The following FAF1 variants were observed in gnomAD, a reference collection of about 807,000 sequenced individuals.
The protein encoded by FAF1 is Fas associated factor 1, also known as FAS-associated factor 1.
A neutral mutation model predicts 92.5 loss-of-function variants in FAF1; 25 were observed. The ratio of observed to expected loss-of-function variants is 0.27; its 90% CI spans 0.20 to 0.38. The LOEUF is 0.38. Ranked by LOEUF, FAF1 falls within the 10% of genes least tolerant of loss-of-function variation. The pLI is 1.00. For missense variants in FAF1, 636 were observed against 793.3 expected, an observed-to-expected ratio of 0.80 and a Z score of 2.38; for synonymous variants, 234 against 273.2, an observed-to-expected ratio of 0.86 and a Z score of 1.42.
At chr1:50,717,016 A>G (rs1191898667) in intron 6 of FAF1, among the ~76,000 whole-genome samples, 5 of 152,052 alleles carry the variant, frequency 3.3e-5, no homozygotes, top group Admixed American at 3.3e-4. Flanking sequence ...CCACCAACCC[A>G]CCAGAAGGAA....
At chr1:50,731,463 A>G (rs2781796) in intron 6 of FAF1, among the ~76,000 whole-genome samples, 148,316 of 150,994 alleles carry the variant, frequency 0.98, 72,897 homozygotes, top group Non-Finnish European at 1. Context: ...TCTGCCTCCC[A>G]GGTTCACGCC....
intron 16 of FAF1, among the ~76,000 whole-genome samples, chr1:50,491,461 G>A (rs1377124073): frequency 6.6e-6 from 1 of 152,132 alleles, no homozygotes; most frequent in Non-Finnish European, 1.5e-5. Context: ...AAAATTGCTG[G>A]TTTCTATCAT....
chr1:50,571,818 T>C (rs956405426), intron 12 of FAF1, among the ~76,000 whole-genome samples: 1 of 152,178 alleles, frequency 6.6e-6, no homozygotes, highest in Admixed American at 6.5e-5. Context: ...CTGGAAGAAA[T>C]GTGCTGTGTC....
chr1:50,900,422 C>A (rs1209372574), intron 1 of FAF1, among the ~76,000 whole-genome samples: 60 of 151,666 alleles, frequency 4.0e-4, no homozygotes, highest in Non-Finnish European at 1.5e-4. Flanking sequence ...TTCTTAATTC[C>A]CTGCATTAAA....
chr1:50,819,866 AATTT>A (rs1226914979), intron 2 of FAF1, among the ~76,000 whole-genome samples: 28 of 144,394 alleles, frequency 1.9e-4, no homozygotes, highest in Admixed American at 5.0e-4. Flanking sequence ...CTTACTAGGA[AATTT>A]ATTTATTTAT....
intron 13 of FAF1, among the ~76,000 whole-genome samples, chr1:50,543,590 C>T (rs568831290): frequency 3.3e-5 from 5 of 152,208 alleles, no homozygotes; most frequent in South Asian, 4.2e-4. Flanking sequence ...TAAAATTGGT[C>T]GCTATTTTAC....
chr1:50,920,945 A>G (rs1374175751), intron 1 of FAF1, among the ~76,000 whole-genome samples: 2 of 152,212 alleles, frequency 1.3e-5, no homozygotes, highest in Non-Finnish European at 2.9e-5. Context: ...TAAGAAAAAG[A>G]AAGAAAAAGT....
chr1:50,859,501 A>G (rs1194609082), intron 1 of FAF1, among the ~76,000 whole-genome samples: 1 of 151,922 alleles, frequency 6.6e-6, no homozygotes, highest in Non-Finnish European at 1.5e-5. Context: ...ATATAATCCC[A>G]TTTACAATAG....
At chr1:50,737,700 C>G (rs1035141250) in intron 6 of FAF1, among the ~76,000 whole-genome samples, 1 of 152,188 alleles carries the variant, frequency 6.6e-6, no homozygotes. Flanking sequence ...TCCAATACAA[C>G]TACACAAGAT....
At chr1:50,864,605 A>C (rs1431953421) in intron 1 of FAF1, among the ~76,000 whole-genome samples, 2 of 151,384 alleles carry the variant, frequency 1.3e-5, no homozygotes, top group Non-Finnish European at 3.0e-5. Context: ...TTCCCTATTT[A>C]ATAAATGGTG....
chr1:50,839,186 G>GA (rs938933275), intron 2 of FAF1, among the ~76,000 whole-genome samples: 1 of 149,418 alleles, frequency 6.7e-6, no homozygotes, highest in African/African-American at 2.5e-5. Flanking sequence ...AAGAAAAGCA[G>GA]AAAAAAAAAG....
At chr1:50,557,081 T>C (rs1649622945) in intron 13 of FAF1, among the ~76,000 whole-genome samples, 1 of 152,162 alleles carries the variant, frequency 6.6e-6, no homozygotes, top group South Asian at 2.1e-4. Context: ...CTAGGCTATG[T>C]AATTTCTCAG....
chr1:50,499,430 T>C (rs1353916926), intron 15 of FAF1, among the ~76,000 whole-genome samples: 1 of 151,460 alleles, frequency 6.6e-6, no homozygotes, highest in Admixed American at 6.6e-5. Flanking sequence ...ACTCGATTCC[T>C]ATTTTACTGG....
In FAF1 at chr1:50,898,646, C is replaced by T. The variant is rs566840493; in HGVS notation, c.46-40649G>A. ...GAATAGGGCATTCTCCAGGACAGAC[C>T]ACAAAAAACTATACCATACACTTTA... On this transcript the variant is annotated intron_variant, in intron 1 of 18. Transcript: ENST00000396153. 3.3e-5 allele frequency among the ~76,000 whole-genome samples: 5 copies of T among 152,184 alleles called. No individual in the cohort carries two copies. In the South Asian group the frequency reaches 1.0e-3, roughly 32 times the overall value.
In FAF1 at chr1:50,881,796, C is replaced by T. The variant is rs544792768; in HGVS notation, c.46-23799G>A. The stretch of plus-strand genomic sequence containing the variant: ...CTACCACAGAGGATTATATTAAATG[C>T]CTATATATAATTTTAATGTTGAACT... On this transcript the variant is annotated intron_variant, in intron 1 of 18. Coordinates refer to ENST00000396153, the MANE Select transcript of FAF1 (RefSeq NM_007051.3). Among the ~76,000 whole-genome samples, 8 of 152,180 alleles carry T rather than the reference C, an allele frequency of 5.3e-5. No individual in the cohort carries two copies. The South Asian group carries it at 1.5e-3, about 28-fold the overall frequency.
chr1:50,550,435 A>G (rs1649258870), intron 13 of FAF1, among the ~76,000 whole-genome samples: 1 of 151,662 alleles, frequency 6.6e-6, no homozygotes, highest in East Asian at 1.9e-4. Flanking sequence ...CAGATAAGTG[A>G]CCAGGAAAAC....
intron 1 of FAF1, among the ~76,000 whole-genome samples, chr1:50,927,697 T>C (rs1434502851): frequency 2.0e-5 from 3 of 152,212 alleles, no homozygotes; most frequent in Non-Finnish European, 4.4e-5. Flanking sequence ...ACTCTGATTA[T>C]ATTCTTCTTT....
chr1:50,655,571 CAT>C (rs1369677406), intron 7 of FAF1, 43 bp from the exon 8 acceptor site: 1 of 1,228,610 alleles, frequency 8.1e-7, no homozygotes, highest in East Asian at 2.3e-5. Flanking sequence ...AGAATTTTCA[CAT>C]GACTTACAGT....
intron 16 of FAF1, 149 bp from the exon 17 acceptor site, chr1:50,490,814 T>C (rs1646830698): frequency 4.7e-6 from 3 of 635,442 alleles, no homozygotes; most frequent in Admixed American, 2.8e-5. Context: ...AGGTATATTG[T>C]GGTAACGGAA....
Sources: gnomAD v4.1 joint callset for allele counts (sites outside exome capture counted in the v4.1 genomes callset) on GRCh38, gnomAD v4.1.1 for gene constraint, MANE v1.5 for transcripts, NCBI Gene and HGNC (gene_info 2026-07-23, HGNC 2026-07-21) for gene names.